The following TFEC variants were observed in gnomAD, a reference collection of about 807,000 sequenced individuals.
TFEC encodes transcription factor EC.
A neutral mutation model predicts 41.6 loss-of-function variants in TFEC; 31 were observed. The ratio of observed to expected loss-of-function variants is 0.74; its 90% CI spans 0.56 to 1.01. The LOEUF (loss-of-function observed/expected upper bound fraction) is 1.01, where lower values mean the gene tolerates loss of function less well. TFEC is among the 50% of genes least tolerant of loss of function. TFEC has a pLI of 0.00. For missense variants in TFEC, 402 were observed against 404.1 expected, an observed-to-expected ratio of 0.99 and a Z score of 0.04; for synonymous variants, 143 against 140.6, an observed-to-expected ratio of 1.02 and a Z score of -0.12.
intron 1 of TFEC, among the ~76,000 whole-genome samples, chr7:115,996,483 G>T (rs931185558): frequency 2.0e-5 from 3 of 152,022 alleles, no homozygotes; most frequent in African/African-American, 7.2e-5. Flanking sequence ...TGCTGGCTTA[G>T]ATGTGATCCA....
At chr7:116,051,053 A>C (rs916504770) in intron 3 of TFEC, among the ~76,000 whole-genome samples, 3 of 152,204 alleles carry the variant, frequency 2.0e-5, no homozygotes, top group African/African-American at 7.2e-5. Context: ...AAGGACAGAA[A>C]ACCAAACACC....
chr7:116,015,202 G>A (rs1215001875), intron 1 of TFEC, among the ~76,000 whole-genome samples: 5 of 151,580 alleles, frequency 3.3e-5, no homozygotes, highest in East Asian at 1.9e-4. Flanking sequence ...TATCAAACAC[G>A]TTTCCTGGAA....
chr7:116,113,912 T>A (rs927021885), intron 1 of TFEC, among the ~76,000 whole-genome samples: 1 of 152,018 alleles, frequency 6.6e-6, no homozygotes, highest in Non-Finnish European at 1.5e-5. Flanking sequence ...GAAGTAATAA[T>A]GTTAATGATG....
At position 116,139,395 on chromosome 7, in the gene TFEC, C is replaced by A. The variant is rs545708344; in HGVS notation, c.-69+20395G>T. Among the ~76,000 whole-genome samples the A allele has an allele frequency of 2.6e-5, 4 of 152,306 alleles. No individual in the cohort carries two copies. In the South Asian group the frequency reaches 8.3e-4, roughly 32 times the overall value. On this transcript the variant is annotated intron_variant, in intron 1 of 8. Transcript: ENST00000484212. ...GTGTCAGAACAATGATCCATTCTCACCGCTTCTCAACCCGTCCTCAGCCTT... is the reference window on the plus strand; with the variant it reads ...GTGTCAGAACAATGATCCATTCTCAACGCTTCTCAACCCGTCCTCAGCCTT...
intron 1 of TFEC, among the ~76,000 whole-genome samples, chr7:116,122,101 G>T (rs1034370637): frequency 2.6e-5 from 4 of 151,976 alleles, no homozygotes; most frequent in Non-Finnish European, 4.4e-5. Flanking sequence ...TGTAATTGTT[G>T]TTACAATTGC....
Position 115,983,498 on chromosome 7 carries a change from G to A in TFEC, c.180+764C>T, listed in dbSNP as rs931631521. 3.9e-5 allele frequency among the ~76,000 whole-genome samples: 6 copies of A among 152,118 alleles called. 1 individual carries two copies. The South Asian group carries it at 1.0e-3, about 26-fold the overall frequency. ...GGGAGATTAAACCTGGGAGATCATAGGACCATAGCTTTATCAACAAATCTA... is the reference window on the plus strand; with the variant it reads ...GGGAGATTAAACCTGGGAGATCATAAGACCATAGCTTTATCAACAAATCTA... On this transcript the variant is annotated intron_variant, in intron 2 of 7. Transcript: ENST00000265440.
Position 115,938,121 on chromosome 7 carries a change from G to A in TFEC, c.*2430C>T, listed in dbSNP as rs1793320726. On this transcript the variant is annotated 3_prime_UTR_variant, in exon 8 of 8. Coordinates refer to ENST00000265440, the MANE Select transcript of TFEC (RefSeq NM_012252.4). ...TCCAGGCTCTATCATCCTGTGCCAAGTCCTTATCTCAGCCAAGATTGTGAA... is the reference window on the plus strand; with the variant it reads ...TCCAGGCTCTATCATCCTGTGCCAAATCCTTATCTCAGCCAAGATTGTGAA... 6.6e-6 allele frequency: 1 copy of A among 151,774 alleles called. No individual in the cohort carries two copies. Among genetic ancestry groups the A allele is most frequent in the Non-Finnish European group, 1.5e-5 (1 of 67,876 alleles). 9.4% of individuals were successfully genotyped at this position (151,774 alleles called of 1,614,324 possible). A position where few individuals can be genotyped will look rare whatever the true frequency, so the allele number is the denominator to read the frequency against.
chr7:115,974,141 A>G, intron 3 of TFEC, 29 bp downstream of exon 3: 2 of 1,555,042 alleles, frequency 1.3e-6, no homozygotes, highest in Non-Finnish European at 1.7e-6. Flanking sequence ...TTCTGTTTCA[A>G]TGACCTTCTT....
chr7:116,013,605 C>A (rs1232652576), intron 1 of TFEC, among the ~76,000 whole-genome samples: 1 of 152,048 alleles, frequency 6.6e-6, no homozygotes, highest in Non-Finnish European at 1.5e-5. Context: ...GACTTGTTCA[C>A]AATCACACAA....
intron 3 of TFEC, chr7:115,968,172 T>A: frequency 6.6e-7 from 1 of 1,524,532 alleles, no homozygotes; most frequent in South Asian, 1.2e-5. Context: ...AATTCCAAAA[T>A]ATACTTGCTC....
At chr7:115,984,641 G>T in intron 1 of TFEC, 128 bp from the exon 2 acceptor site, 1 of 1,108,780 alleles carries the variant, frequency 9.0e-7, no homozygotes, top group Non-Finnish European at 1.2e-6. Flanking sequence ...CCAATCTATC[G>T]TCCATACTTC....
chr7:116,010,411 T>C (rs1336499491), intron 1 of TFEC, among the ~76,000 whole-genome samples: 1 of 152,132 alleles, frequency 6.6e-6, no homozygotes, highest in African/African-American at 2.4e-5. Flanking sequence ...GACACCTGAG[T>C]TCCTGGCTTA....
chr7:115,994,439 AT>A (rs1284218031), intron 1 of TFEC, among the ~76,000 whole-genome samples: 2 of 152,192 alleles, frequency 1.3e-5, no homozygotes, highest in Non-Finnish European at 2.9e-5. Flanking sequence ...ATGGGAGAAA[AT>A]TTTTACAACC....
chr7:115,986,874 G>A (rs1027744650), intron 1 of TFEC, among the ~76,000 whole-genome samples: 40 of 151,840 alleles, frequency 2.6e-4, no homozygotes, highest in African/African-American at 9.2e-4. Flanking sequence ...AAACCTGCAC[G>A]TTGTGCACAT....
At position 116,042,078 on chromosome 7, in the gene TFEC, G is replaced by A. The variant is rs116335469; in HGVS notation, c.199-57565C>T. Among the ~76,000 whole-genome samples, 1,209 of 152,138 alleles carry A rather than the reference G, an allele frequency of 7.9e-3. 12 individuals are homozygous for A. Among genetic ancestry groups the A allele is most frequent in the African/African-American group, 0.027 (1,135 of 41,494 alleles). On this transcript the variant is annotated intron_variant, in intron 3 of 8. Transcript: ENST00000484212. ...CTTAATTTTAAAGAAAAAAAAACAG[G>A]TGAATGTAGGTGACACAGTTAGATT...
chr7:116,057,794 A>T (rs972864563), intron 3 of TFEC, among the ~76,000 whole-genome samples: 3 of 151,880 alleles, frequency 2.0e-5, no homozygotes, highest in African/African-American at 7.2e-5. Context: ...TTCTTATACT[A>T]TATGTAAAGA....
In TFEC at chr7:116,097,595, G is replaced by C. The variant is rs536662419; in HGVS notation, c.198+13113C>G. Among the ~76,000 whole-genome samples the C allele has an allele frequency of 2.6e-5, 4 of 152,200 alleles. No homozygotes were observed. The South Asian group carries it at 8.3e-4, about 32-fold the overall frequency. ...TATAGTGTGGCGATGCAGGACAAAG[G>C]GATGATTCATATTCCACAGGGGACA... On this transcript the variant is annotated intron_variant, in intron 3 of 8. Transcript: ENST00000484212.
At chr7:116,032,798 T>C (rs554070612), upstream of TFEC, among the ~76,000 whole-genome samples, 1 of 152,138 alleles carries the variant, frequency 6.6e-6, no homozygotes, top group Admixed American at 6.6e-5. Context: ...AGTTTACCTA[T>C]GTAACAAACC....
intron 3 of TFEC, among the ~76,000 whole-genome samples, chr7:116,065,301 A>G (rs1796668823): frequency 2.0e-5 from 3 of 152,312 alleles, no homozygotes; most frequent in Middle Eastern, 3.4e-3. Context: ...TCCCAAGACT[A>G]CAAGACACCT....
Sources: allele counts gnomAD v4.1 joint callset (sites outside exome capture counted in the v4.1 genomes callset), GRCh38; gene constraint gnomAD v4.1.1; transcripts MANE v1.5; gene names NCBI Gene and HGNC (gene_info 2026-07-23, HGNC 2026-07-21).